The following TLK1 variants were observed in gnomAD, a reference collection of about 807,000 sequenced individuals.
TLK1 encodes the protein tousled like kinase 1, also known as serine/threonine-protein kinase tousled-like 1.
Under a neutral mutation model 105.3 loss-of-function variants are expected in TLK1, and 24 were observed. The observed-to-expected ratio is 0.23, with a 90% CI of 0.17 to 0.32. TLK1 has a LOEUF of 0.32. Among genes scored for constraint, TLK1 ranks in the 10% least tolerant of loss-of-function variants. The pLI is 1.00. For synonymous variants in TLK1, 321 were observed against 310.4 expected (o/e 1.03, Z -0.36); for missense variants, 558 against 910.5 (o/e 0.61, Z 4.98).
chr2:171,142,768 A>G (rs1175743902), intron 1 of TLK1, among the ~76,000 whole-genome samples: 1 of 152,264 alleles, frequency 6.6e-6, no homozygotes, highest in Non-Finnish European at 1.5e-5. Context: ...ATATTACACC[A>G]CATCTAACAA....
Position 170,995,423 on chromosome 2 carries a change from G to C in TLK1, c.2124+1230C>G, listed in dbSNP as rs150722860. On this transcript the variant is annotated intron_variant, in intron 20 of 20. Coordinates refer to ENST00000431350, the MANE Select transcript of TLK1 (RefSeq NM_012290.5). ...ACCCCTTAACCCTTCCTGGATTCCA[G>C]ATCTCTAAAAGGTGACTGTGGTGCC... Among the ~76,000 whole-genome samples, 58 of 152,018 alleles carry C rather than the reference G, an allele frequency of 3.8e-4. No homozygotes were observed. In the East Asian group the frequency reaches 5.0e-3, roughly 13 times the overall value.
intron 12 of TLK1, among the ~76,000 whole-genome samples, chr2:171,021,126 C>A (rs1182031016): frequency 6.6e-6 from 1 of 152,150 alleles, no homozygotes; most frequent in Non-Finnish European, 1.5e-5. Context: ...ATACCCGTAA[C>A]TTGGAATGAC....
chr2:171,084,406 C>G (rs980483772), intron 2 of TLK1, among the ~76,000 whole-genome samples: 1 of 152,014 alleles, frequency 6.6e-6, no homozygotes, highest in Non-Finnish European at 1.5e-5. Context: ...AAATTGAGTA[C>G]TATATAGGTA....
chr2:171,069,493 A>C (rs987222912), intron 3 of TLK1, among the ~76,000 whole-genome samples: 1 of 152,212 alleles, frequency 6.6e-6, no homozygotes, highest in African/African-American at 2.4e-5. Flanking sequence ...TGACGCACTG[A>C]GGATGGCGGT....
chr2:171,083,101 G>A (rs549470255), intron 2 of TLK1, among the ~76,000 whole-genome samples: 1 of 152,054 alleles, frequency 6.6e-6, no homozygotes, highest in Admixed American at 6.5e-5. Flanking sequence ...CTATTAGCTG[G>A]TTTTTTAAAT....
At chr2:171,194,819 G>C (rs1270511978) in intron 1 of TLK1, among the ~76,000 whole-genome samples, 1 of 89,868 alleles carries the variant, frequency 1.1e-5, no homozygotes, top group East Asian at 2.1e-4. Flanking sequence ...TCCGTCTCAG[G>C]GAAAAAAAAA....
chr2:171,067,065 T>G, intron 3 of TLK1: 1 of 1,306,452 alleles, frequency 7.7e-7, no homozygotes, highest in Non-Finnish European at 1.0e-6. Flanking sequence ...CCTACAAACA[T>G]TCCTTTGAAC....
At chr2:171,004,772 TAA>T (rs975393492) in intron 18 of TLK1, among the ~76,000 whole-genome samples, 2 of 147,496 alleles carry the variant, frequency 1.4e-5, no homozygotes, top group African/African-American at 4.9e-5. Context: ...ATTTTGTTGT[TAA>T]AAAAAAAAAT....
chr2:171,134,827 T>A (rs1691242599), intron 1 of TLK1, among the ~76,000 whole-genome samples: 1 of 142,080 alleles, frequency 7.0e-6, no homozygotes, highest in Non-Finnish European at 1.5e-5. Context: ...GTGCTTGAGG[T>A]GGAGCTCAAG....
At chr2:171,074,501 G>A in intron 3 of TLK1, among the ~76,000 whole-genome samples, 1 of 151,992 alleles carries the variant, frequency 6.6e-6, no homozygotes, top group East Asian at 1.9e-4. Flanking sequence ...GCTGGTGGGT[G>A]CCTACAATCC....
chr2:171,212,533 G>T (rs2105326208), intron 1 of TLK1, among the ~76,000 whole-genome samples: 1 of 152,224 alleles, frequency 6.6e-6, no homozygotes, highest in Middle Eastern at 3.4e-3. Context: ...GGAGTCTAAG[G>T]GAAAAGGATT....
At chr2:171,225,953 G>C (rs565838886) in intron 1 of TLK1, among the ~76,000 whole-genome samples, 90 of 152,224 alleles carry the variant, frequency 5.9e-4, no homozygotes, top group Admixed American at 2.3e-3. Flanking sequence ...TCAGTAGACA[G>C]AGCTAGATTT....
chr2:171,000,346 T>G (rs1559333209), intron 18 of TLK1, among the ~76,000 whole-genome samples: 1 of 133,522 alleles, frequency 7.5e-6, no homozygotes, highest in East Asian at 2.1e-4. Context: ...GCCATTGCAC[T>G]GCAGCCTGGG....
rs777049271 is a variant in TLK1, at chr2:171,003,273, C to CAAAAAAA, written c.1904+2867_1904+2873dup. 5.3e-3 allele frequency among the ~76,000 whole-genome samples: 360 copies of CAAAAAAA among 68,394 alleles called. 24 individuals are homozygous for CAAAAAAA. The highest frequency in any genetic ancestry group is 0.01 in the African/African-American group (123 of 12,204). The allele number at this position is 68,394 out of a possible 152,430, so 44.9% of individuals were successfully genotyped here. A position where few individuals can be genotyped will look rare whatever the true frequency, so the allele number is the denominator to read the frequency against. ...TGGGCGACAGAGCAAGACTCCGTCT[C>CAAAAAAA]AAAAAAAAAAAAAAAAAAAAAAAAA... On this transcript the variant is annotated intron_variant, in intron 18 of 20. Coordinates refer to ENST00000431350, the MANE Select transcript of TLK1 (RefSeq NM_012290.5).
intron 1 of TLK1, among the ~76,000 whole-genome samples, chr2:171,204,556 C>CA (rs77025747): frequency 0.041 from 4,382 of 106,322 alleles, 220 homozygotes; most frequent in East Asian, 0.25. Context: ...TTTGAGCATC[C>CA]AAAAAAAAAA....
intron 2 of TLK1, among the ~76,000 whole-genome samples, chr2:171,108,668 A>T (rs1164341197): frequency 6.6e-6 from 1 of 151,994 alleles, no homozygotes; most frequent in Non-Finnish European, 1.5e-5. Flanking sequence ...AAGTAGCATG[A>T]TCTCAGCTCA....
chr2:171,131,107 CTATATA>C (rs770193167), intron 1 of TLK1, among the ~76,000 whole-genome samples: 2 of 132,374 alleles, frequency 1.5e-5, no homozygotes, highest in Non-Finnish European at 3.5e-5. Context: ...ATCTATATAT[CTATATA>C]TAGAGAGAGA....
intron 6 of TLK1, among the ~76,000 whole-genome samples, chr2:171,055,877 G>T (rs2676129): frequency 6.6e-6 from 1 of 151,864 alleles, no homozygotes; most frequent in Non-Finnish European, 1.5e-5. Flanking sequence ...TTAAATTACT[G>T]AAAACCAATA....
At chr2:171,173,702 CTTTAA>C (rs1046722105) in intron 1 of TLK1, among the ~76,000 whole-genome samples, 1 of 152,254 alleles carries the variant, frequency 6.6e-6, no homozygotes, top group Admixed American at 6.5e-5. Context: ...AATGATGACT[CTTTAA>C]TTTGTTTCTT....
Sources: allele counts gnomAD v4.1 joint callset (sites outside exome capture counted in the v4.1 genomes callset), GRCh38; gene constraint gnomAD v4.1.1; transcripts MANE v1.5; gene names NCBI Gene and HGNC (gene_info 2026-07-23, HGNC 2026-07-21).